The following LMO7 variants were observed in gnomAD, a reference collection of about 807,000 sequenced individuals.
LMO7 encodes the protein LIM domain only protein 7.
LMO7 carries 120 observed loss-of-function variants against 206.5 expected under a neutral mutation model. That is an observed-to-expected ratio of 0.58 (90% CI 0.50 to 0.68). The LOEUF (loss-of-function observed/expected upper bound fraction) is 0.68. Ranked by LOEUF, LMO7 falls within the 30% of genes least tolerant of loss-of-function variation. The probability of loss-of-function intolerance (pLI) is 0.00; values close to 1 mark genes in which losing one functional copy is unlikely to be tolerated. For missense variants in LMO7, 1,959 were observed against 1,957.9 expected, an observed-to-expected ratio of 1.00 and a Z score of -0.01; for synonymous variants, 706 against 681.5, an observed-to-expected ratio of 1.04 and a Z score of -0.56.
intron 3 of LMO7, among the ~76,000 whole-genome samples, chr13:75,739,409 A>G (rs958536695): frequency 2.4e-4 from 36 of 152,210 alleles, no homozygotes; most frequent in African/African-American, 8.7e-4. Flanking sequence ...GAGGCTGGGA[A>G]GATTGTCTCC....
chr13:75,629,865 C>A (rs1398766042), intron 2 of LMO7, among the ~76,000 whole-genome samples: 1 of 152,180 alleles, frequency 6.6e-6, no homozygotes, highest in East Asian at 1.9e-4. Context: ...GCATGACCCT[C>A]AAATTTTAGG....
intron 11 of LMO7, among the ~76,000 whole-genome samples, chr13:75,814,691 T>A (rs1223751411): frequency 6.6e-6 from 1 of 152,062 alleles, no homozygotes; most frequent in Non-Finnish European, 1.5e-5. Flanking sequence ...TAAATGTACA[T>A]GATGGTGAGA....
In LMO7 at chr13:75,727,216, T is replaced by C. The variant is rs751367777; in HGVS notation, c.210+118T>C. Reference sequence around the variant, plus strand: ...TGAAATTAGGTTATGGTTTTTTTGCTGAAGCAAAGTGTGTTTGGTGATGTC... The same window carrying C: ...TGAAATTAGGTTATGGTTTTTTTGCCGAAGCAAAGTGTGTTTGGTGATGTC... On this transcript the variant is annotated intron_variant, in intron 3 of 30. Coordinates refer to ENST00000377534, the MANE Select transcript of LMO7 (RefSeq NM_001306080.2). The C allele has an allele frequency of 8.6e-6, 5 of 583,284 alleles. No homozygotes were observed. In the East Asian group the frequency reaches 1.3e-4, roughly 15 times the overall value. 36.1% of individuals were successfully genotyped at this position (583,284 alleles called of 1,614,324 possible). A position where few individuals can be genotyped will look rare whatever the true frequency, so the allele number is the denominator to read the frequency against.
At chr13:75,855,184 G>T in intron 28 of LMO7, 76 bp from the exon 29 acceptor site, 1 of 826,858 alleles carries the variant, frequency 1.2e-6, no homozygotes. Context: ...AGTGTTAATA[G>T]CAGAGTGTGA....
intron 4 of LMO7, among the ~76,000 whole-genome samples, chr13:75,767,287 T>C (rs2049027815): frequency 6.6e-6 from 1 of 152,144 alleles, no homozygotes; most frequent in South Asian, 2.1e-4. Context: ...GATCACTTTT[T>C]ATCTTGTGAA....
intron 18 of LMO7, among the ~76,000 whole-genome samples, chr13:75,836,160 A>G (rs1042109168): frequency 1.3e-5 from 2 of 152,196 alleles, no homozygotes; most frequent in South Asian, 2.1e-4. Flanking sequence ...TTGGAAAATT[A>G]ATGATCGATT....
At chr13:75,646,639 A>G (rs975750800) in intron 1 of LMO7, among the ~76,000 whole-genome samples, 23 of 151,532 alleles carry the variant, frequency 1.5e-4, no homozygotes, top group African/African-American at 5.6e-4. Flanking sequence ...GGTGGAGTGC[A>G]ATGGCACGAT....
intron 4 of LMO7, among the ~76,000 whole-genome samples, chr13:75,790,225 A>G (rs2053078653): frequency 6.6e-6 from 1 of 152,164 alleles, no homozygotes; most frequent in African/African-American, 2.4e-5. Flanking sequence ...TCCTCCAGCC[A>G]CTGCCCTGTC....
chr13:75,622,524 C>T lies in LMO7; in HGVS notation c.175+656C>T, dbSNP rs148456218. On this transcript the variant is annotated intron_variant, in intron 1 of 29. Coordinates refer to the LMO7 transcript ENST00000341547. ...TCTTGTAATTGTCTGTAAGTACTAC[C>T]TTCATAATTAAAATGTTTCTACTCT... Among the ~76,000 whole-genome samples the T allele has an allele frequency of 2.2e-3, 336 of 152,240 alleles. 1 individual carries two copies. Among genetic ancestry groups the T allele is most frequent in the African/African-American group, 7.8e-3 (323 of 41,540 alleles).
At chr13:75,718,587 C>T (rs1000668833) in intron 2 of LMO7, among the ~76,000 whole-genome samples, 3 of 152,154 alleles carry the variant, frequency 2.0e-5, no homozygotes, top group Admixed American at 1.3e-4. Context: ...CCATTATCAA[C>T]GTCCCCCACC....
chr13:75,745,307 A>T (rs1002931697), intron 3 of LMO7, among the ~76,000 whole-genome samples: 3 of 152,140 alleles, frequency 2.0e-5, no homozygotes, highest in African/African-American at 7.2e-5. Flanking sequence ...TTTGAGAACA[A>T]TCTGTTGTTA....
chr13:75,719,367 G>A (rs1227278562), intron 2 of LMO7, among the ~76,000 whole-genome samples: 4 of 152,080 alleles, frequency 2.6e-5, no homozygotes, highest in Non-Finnish European at 2.9e-5. Context: ...AGGCCATCTC[G>A]GTTGCTTCTC....
intron 2 of LMO7, among the ~76,000 whole-genome samples, chr13:75,722,096 T>C (rs542324715): frequency 2.6e-5 from 4 of 152,304 alleles, no homozygotes; most frequent in African/African-American, 7.2e-5. Context: ...CCTGAGACCA[T>C]AAAGATTCTG....
rs371895295 is a variant in LMO7 at position 75,795,475 on chromosome 13, C to T, written c.348+44C>T. ...AATGGAGCATTATAAGTGGCTTTCA[C>T]TTTCATGTTCTGTAAGAAGGCAGTG... On this transcript the variant is annotated intron_variant, in intron 5 of 30. Transcript: ENST00000377534. The T allele has an allele frequency of 7.0e-5, 93 of 1,337,234 alleles. 1 individual carries two copies. In the East Asian group the frequency reaches 1.1e-3, roughly 15 times the overall value. The allele number at this position is 1,337,234 out of a possible 1,614,324, so 82.8% of individuals were successfully genotyped here. A position where few individuals can be genotyped will look rare whatever the true frequency, so the allele number is the denominator to read the frequency against.
At chr13:75,653,306 C>G (rs1302646740) in intron 1 of LMO7, among the ~76,000 whole-genome samples, 2 of 152,164 alleles carry the variant, frequency 1.3e-5, no homozygotes, top group African/African-American at 4.8e-5. Flanking sequence ...GCAGAGGAAG[C>G]CTGAAACCCA....
chr13:75,787,880 T>C (rs1406547733), intron 4 of LMO7, among the ~76,000 whole-genome samples: 2 of 152,196 alleles, frequency 1.3e-5, no homozygotes, highest in Admixed American at 6.5e-5. Flanking sequence ...AGGAAAGAAG[T>C]GAAGTATTCT....
chr13:75,857,821 T>A (rs947576927), intron 30 of LMO7, 100 bp from the exon 31 acceptor site: 2 of 705,228 alleles, frequency 2.8e-6, no homozygotes, highest in Non-Finnish European at 4.7e-6. Flanking sequence ...TTCTACCTCA[T>A]TGGGCCACTT....
intron 3 of LMO7, among the ~76,000 whole-genome samples, chr13:75,750,377 CTTTTTT>C (rs34407423): frequency 5.0e-4 from 47 of 93,386 alleles, no homozygotes; most frequent in Non-Finnish European, 8.1e-4. Flanking sequence ...CTGGGGGATC[CTTTTTT>C]TTTTTTTTTT....
intron 15 of LMO7, 152 bp downstream of exon 15, chr13:75,824,025 G>C (rs2057865453): frequency 3.1e-6 from 2 of 650,508 alleles, no homozygotes; most frequent in Admixed American, 5.7e-5. Context: ...GATCTTGGAG[G>C]AAGTAGGTCT....
Sources: allele counts gnomAD v4.1 joint callset (sites outside exome capture counted in the v4.1 genomes callset), GRCh38; gene constraint gnomAD v4.1.1; transcripts MANE v1.5; gene names NCBI Gene and HGNC (gene_info 2026-07-23, HGNC 2026-07-21).